C2CD5: variants seen among roughly 807,000 people sequenced by gnomAD.
C2CD5 encodes C2 calcium dependent domain containing 5.
Under a neutral mutation model 130.3 loss-of-function variants are expected in C2CD5, and 109 were observed. The observed-to-expected ratio is 0.84, with a 90% CI of 0.72 to 0.98. The LOEUF (loss-of-function observed/expected upper bound fraction) is 0.98, where lower values mean the gene tolerates loss of function less well. Among genes scored for constraint, C2CD5 ranks in the 50% least tolerant of loss-of-function variants. The pLI is 0.00. For synonymous variants in C2CD5, 454 were observed against 429.2 expected, an observed-to-expected ratio of 1.06 and a Z score of -0.71; for missense variants, 996 against 1,261.8, an observed-to-expected ratio of 0.79 and a Z score of 3.19.
At chr12:22,537,622 C>T (rs1359565302) in intron 2 of C2CD5, among the ~76,000 whole-genome samples, 1 of 152,152 alleles carries the variant, frequency 6.6e-6, no homozygotes, top group Admixed American at 6.5e-5. Context: ...AAAGCATTCT[C>T]TTTACCTACT....
At chr12:22,456,883 G>T in intron 25 of C2CD5, 88 bp downstream of exon 25, 2 of 748,190 alleles carry the variant, frequency 2.7e-6, no homozygotes, top group African/African-American at 1.8e-5. Context: ...GTAAGTTTTT[G>T]GCAAAAAATA....
chr12:22,451,029 T>G (rs2135926918), intron 26 of C2CD5, among the ~76,000 whole-genome samples: 1 of 152,084 alleles, frequency 6.6e-6, no homozygotes, highest in African/African-American at 2.4e-5. Flanking sequence ...ATATATTTGC[T>G]TGTATGTATA....
At chr12:22,456,616 G>A (rs73261847) in intron 25 of C2CD5, among the ~76,000 whole-genome samples, 3,942 of 152,250 alleles carry the variant, frequency 0.026, 159 homozygotes, top group African/African-American at 0.082. Context: ...ACATGTATCT[G>A]TAATACAGTC....
At chr12:22,541,380 T>C (rs1387030388) in intron 2 of C2CD5, among the ~76,000 whole-genome samples, 5 of 152,182 alleles carry the variant, frequency 3.3e-5, no homozygotes, top group Admixed American at 2.6e-4. Flanking sequence ...CTTCAATCCA[T>C]TCTCCATATA....
chr12:22,472,286 C>A lies in C2CD5; in HGVS notation c.2169G>T (p.Gln723His). The change falls in exon 18 of 27, where the codon CAG becomes CAT. Residue 723 changes from glutamine (Q) to histidine (H), a missense_variant and splice_region_variant. Physicochemically the swap from Gln to His is conservative, Grantham distance 24. Around this residue, in one of 9 missense-constraint regions of C2CD5, gnomAD observed 590 missense variants for 631.4 expected, o/e 0.93. Transcript: ENST00000446597. ...TTAAAATTAAGAAAAAAAGGTTTACCTGTATTTCAGAGGTCCAATTATTTA... is the reference window on the plus strand; with the variant it reads ...TTAAAATTAAGAAAAAAAGGTTTACATGTATTTCAGAGGTCCAATTATTTA... ...PGINNWTSEI[Q>H]MFTSVRVIRL... is the part of the protein sequence containing the mutation. The A allele has an allele frequency of 6.7e-7, 1 of 1,483,474 alleles. No homozygotes were observed. The highest frequency in any genetic ancestry group is 9.3e-7 in the Non-Finnish European group (1 of 1,081,056). The allele number at this position is 1,483,474 out of a possible 1,614,324, so 91.9% of individuals were successfully genotyped here. A position where few individuals can be genotyped will look rare whatever the true frequency, so the allele number is the denominator to read the frequency against.
At chr12:22,482,812 C>T (rs564841629) in intron 13 of C2CD5, 69 bp from the exon 14 acceptor site, 1 of 1,152,748 alleles carries the variant, frequency 8.7e-7, no homozygotes, top group Non-Finnish European at 1.3e-6. Context: ...AATTTTAAAA[C>T]TTGCTAAAAG....
Position 22,471,475 on chromosome 12 carries a change from T to A in C2CD5, c.2282A>T (p.Lys761Ile). The change falls in exon 20 of 27, where the codon AAA becomes ATA. Residue 761 changes from lysine (K) to isoleucine (I), a missense_variant. By Grantham distance (102) the Lys-to-Ile change is moderately radical. Coordinates refer to ENST00000446597, the MANE Select transcript of C2CD5 (RefSeq NM_001286176.2). ...CENLLKSLYFKLRSMIPCCLC... is the reference protein window; with the variant it reads ...CENLLKSLYFILRSMIPCCLC... ...GCAGCAGGGGATCATAGATCGTAGT[T>A]TAAAGTACAGGCTCTACACAATAGA... is the stretch of plus-strand genomic sequence containing the variant. 1 of 1,592,242 alleles carries A rather than the reference T, an allele frequency of 6.3e-7. No homozygotes were observed. The highest frequency in any genetic ancestry group is 8.6e-7 in the Non-Finnish European group (1 of 1,161,574).
intron 19 of C2CD5, 22 bp downstream of exon 19, chr12:22,471,945 A>G (rs745882881): frequency 7.8e-7 from 1 of 1,277,588 alleles, no homozygotes; most frequent in South Asian, 1.2e-5. Context: ...CATGAAATAA[A>G]ATTTAGTCAG....
At chr12:22,470,380 TA>T (rs1286889928) in intron 21 of C2CD5, among the ~76,000 whole-genome samples, 1 of 152,130 alleles carries the variant, frequency 6.6e-6, no homozygotes, top group Non-Finnish European at 1.5e-5. Flanking sequence ...GAATATATAT[TA>T]AGACTACTTC....
chr12:22,536,764 TAAG>T (rs1484056890), intron 2 of C2CD5, among the ~76,000 whole-genome samples: 1 of 152,140 alleles, frequency 6.6e-6, no homozygotes, highest in Non-Finnish European at 1.5e-5. Flanking sequence ...TACAGTGGTG[TAAG>T]AAGAAAGTAA....
intron 12 of C2CD5, among the ~76,000 whole-genome samples, chr12:22,486,227 CT>C (rs1405222405): frequency 1.3e-5 from 2 of 151,122 alleles, no homozygotes; most frequent in Non-Finnish European, 2.9e-5. Flanking sequence ...CACTCTGAAG[CT>C]TTTGCTTAAG....
intron 4 of C2CD5, 53 bp from the exon 5 acceptor site, chr12:22,525,758 T>C (rs1285081213): frequency 3.6e-6 from 3 of 840,886 alleles, no homozygotes; most frequent in Admixed American, 4.2e-5. Flanking sequence ...TAATGTACAA[T>C]TAAATAATGA....
At chr12:22,456,914 G>T in intron 25 of C2CD5, 57 bp downstream of exon 25, 1 of 1,085,978 alleles carries the variant, frequency 9.2e-7, no homozygotes. Flanking sequence ...ACTTAGTTTT[G>T]TTACTAAATC....
At chr12:22,490,867 G>A (rs1946256818) in intron 11 of C2CD5, among the ~76,000 whole-genome samples, 1 of 152,206 alleles carries the variant, frequency 6.6e-6, no homozygotes, top group Middle Eastern at 3.4e-3. Flanking sequence ...AATGAGAAAA[G>A]TAGCAACCTA....
chr12:22,476,673 T>C (rs1427600034), intron 15 of C2CD5, among the ~76,000 whole-genome samples: 1 of 152,012 alleles, frequency 6.6e-6, no homozygotes, highest in Non-Finnish European at 1.5e-5. Context: ...TACAATAATA[T>C]GTAACAGTTT....
At chr12:22,536,770 G>C (rs555775537) in intron 2 of C2CD5, among the ~76,000 whole-genome samples, 1 of 152,078 alleles carries the variant, frequency 6.6e-6, no homozygotes, top group Non-Finnish European at 1.5e-5. Flanking sequence ...GGTGTAAGAA[G>C]AAAGTAAGGG....
intron 22 of C2CD5, among the ~76,000 whole-genome samples, chr12:22,468,501 A>G (rs1375062650): frequency 2.0e-5 from 3 of 152,152 alleles, no homozygotes; most frequent in Non-Finnish European, 4.4e-5. Context: ...TACAGGTATG[A>G]GCCAACAGGC....
intron 22 of C2CD5, among the ~76,000 whole-genome samples, chr12:22,467,464 G>A (rs745911228): frequency 2.0e-5 from 3 of 152,110 alleles, no homozygotes; most frequent in East Asian, 1.9e-4. Flanking sequence ...AAATACAGAC[G>A]CTCAGTGTGA....
chr12:22,471,477 A>G lies in C2CD5; in HGVS notation c.2280T>C (p.Phe760=). 6.3e-7 allele frequency: 1 copy of G among 1,589,468 alleles called. No homozygotes were observed. The highest frequency in any genetic ancestry group is 8.6e-7 in the Non-Finnish European group (1 of 1,159,038). Residue 760 remains phenylalanine (F), a synonymous_variant, in exon 20 of 27, where the codon TTT becomes TTC. Coordinates refer to ENST00000446597, the MANE Select transcript of C2CD5 (RefSeq NM_001286176.2). ...LCENLLKSLY[F]KLRSMIPCCL... Reference sequence around the variant, plus strand: ...AGCAGGGGATCATAGATCGTAGTTTAAAGTACAGGCTCTACACAATAGAAA... The same window carrying G: ...AGCAGGGGATCATAGATCGTAGTTTGAAGTACAGGCTCTACACAATAGAAA...
Sources: gnomAD v4.1 joint callset for allele counts (sites outside exome capture counted in the v4.1 genomes callset) on GRCh38, gnomAD v4.1.1 for gene constraint, gnomAD v4.1.1 regional missense constraint, MANE v1.5 for transcripts, NCBI Gene and HGNC (gene_info 2026-07-23, HGNC 2026-07-21) for gene names.